The following TBCD variants were observed in gnomAD, a reference collection of about 807,000 sequenced individuals.
TBCD encodes the protein tubulin-specific chaperone D.
In TBCD, 105 loss-of-function variants were observed where a neutral mutation model predicts 169.3. The observed-to-expected ratio is 0.62, with a 90% CI of 0.53 to 0.73. The LOEUF (loss-of-function observed/expected upper bound fraction) is 0.73. Among genes scored for constraint, TBCD ranks in the 30% least tolerant of loss-of-function variants. The pLI, the probability that TBCD is intolerant of heterozygous loss-of-function variation, is 0.00. For missense variants in TBCD, 1,444 were observed against 1,600.1 expected (o/e 0.90, Z 1.66); for synonymous variants, 700 against 643.9 (o/e 1.09, Z -1.32).
At chr17:82,879,286 T>C (rs986029404) in intron 14 of TBCD, among the ~76,000 whole-genome samples, 13 of 152,020 alleles carry the variant, frequency 8.6e-5, no homozygotes, top group African/African-American at 4.8e-5. Context: ...TGTGCCCCTC[T>C]TCACAGTCCA....
Position 82,930,664 on chromosome 17 carries a change from C to A in TBCD, c.3113+21C>A. The A allele has an allele frequency of 6.2e-7, 1 of 1,613,764 alleles. No homozygotes were observed. The highest frequency in any genetic ancestry group is 8.5e-7 in the Non-Finnish European group (1 of 1,179,782). On this transcript the variant is annotated intron_variant, in intron 33 of 38. Transcript: ENST00000355528. This position sits in a 1 kb window ranked among gnomAD's most constrained non-coding sequence, Gnocchi z 5.2. ...GAGAGGTGAGTGGTGTCTCTTGGGG[C>A]CTCAGAGGCGTGAGTGGTGCTGGTG... is the stretch of plus-strand genomic sequence containing the variant.
intron 2 of TBCD, among the ~76,000 whole-genome samples, chr17:82,757,076 C>A (rs1223758441): frequency 3.9e-5 from 6 of 152,152 alleles, no homozygotes; most frequent in African/African-American, 1.4e-4. Context: ...ATGCTTCTGG[C>A]AGTTCACCTG....
intron 6 of TBCD, among the ~76,000 whole-genome samples, chr17:82,779,662 C>T (rs561338682): frequency 6.6e-6 from 1 of 152,266 alleles, no homozygotes; most frequent in Admixed American, 6.5e-5. Flanking sequence ...GAGGGCTTGT[C>T]CCCACGGAAG....
intron 20 of TBCD, 151 bp from the exon 21 acceptor site, chr17:82,907,610 C>T: frequency 1.3e-6 from 1 of 769,498 alleles, no homozygotes. Flanking sequence ...CCCACTGGGA[C>T]CTGAACAAGA....
chr17:82,878,575 ATATAG>A (rs2058129817), intron 14 of TBCD, among the ~76,000 whole-genome samples: 1 of 145,028 alleles, frequency 6.9e-6, no homozygotes, highest in African/African-American at 2.9e-5. Flanking sequence ...TGTTGGGCCC[ATATAG>A]TGCCCCACAA....
chr17:82,939,057 G>A (rs796430246), intron 36 of TBCD: 4 of 429,994 alleles, frequency 9.3e-6, no homozygotes, highest in Middle Eastern at 6.5e-4. Context: ...TTAGTTAATA[G>A]AGAGCAGGCG....
In TBCD at chr17:82,814,387, G is replaced by A. The variant is rs143777725; in HGVS notation, c.1224-453G>A. On this transcript the variant is annotated intron_variant, in intron 12 of 38. Transcript: ENST00000355528. Reference sequence around the variant, plus strand: ...ACCCCACCTGGGACGGCACAGACGGGACGGTCTCTTTGTTTGGGGACTGAC... The same window carrying A: ...ACCCCACCTGGGACGGCACAGACGGAACGGTCTCTTTGTTTGGGGACTGAC... Among the ~76,000 whole-genome samples the A allele has an allele frequency of 1.4e-3, 220 of 152,360 alleles. 1 individual carries two copies. Among genetic ancestry groups the A allele is most frequent in the African/African-American group, 5.0e-3 (208 of 41,586 alleles).
At chr17:82,898,474 A>G (rs942909611) in intron 17 of TBCD, among the ~76,000 whole-genome samples, 9 of 151,816 alleles carry the variant, frequency 5.9e-5, no homozygotes, top group African/African-American at 2.2e-4. Flanking sequence ...TTCTTTTCCT[A>G]TGTGCAGGAG....
chr17:82,917,741 T>C (rs2061151604), intron 23 of TBCD, among the ~76,000 whole-genome samples: 1 of 152,226 alleles, frequency 6.6e-6, no homozygotes, highest in South Asian at 2.1e-4. Context: ...TCAGAGCCTG[T>C]GGTGAGGGCT....
chr17:82,855,287 G>A (rs1011906826), intron 13 of TBCD, among the ~76,000 whole-genome samples: 1 of 121,456 alleles, frequency 8.2e-6, no homozygotes, highest in Admixed American at 1.1e-4. Flanking sequence ...TTTAGAGCCA[G>A]GGTCACTCTG....
rs2057007106 is a variant in TBCD at position 82,864,402 on chromosome 17, C to T, written c.1319-5822C>T. 1.3e-5 allele frequency: 2 copies of T among 152,366 alleles called. No homozygotes were observed. The highest frequency in any genetic ancestry group is 2.1e-4 in the South Asian group (1 of 4,824). 9.4% of individuals were successfully genotyped at this position (152,366 alleles called of 1,614,324 possible). On this transcript the variant is annotated intron_variant, in intron 13 of 38. Coordinates refer to ENST00000355528, the MANE Select transcript of TBCD (RefSeq NM_005993.5). The surrounding 1 kb of genome is among the most constrained non-coding windows in gnomAD (Gnocchi z 6.3). ...AGGAGGTGGCCTTTCACAGCAGGGA[C>T]GTTCTGTGCTCTTATTTTAACAACT... is the stretch of plus-strand genomic sequence containing the variant.
intron 13 of TBCD, among the ~76,000 whole-genome samples, chr17:82,854,214 T>C (rs1440575118): frequency 6.6e-6 from 1 of 152,214 alleles, no homozygotes; most frequent in African/African-American, 2.4e-5. Flanking sequence ...CCGAAAACTT[T>C]TTGAATGCTG....
chr17:82,814,661 G>T (rs796884063), intron 12 of TBCD, among the ~76,000 whole-genome samples, 179 bp from the exon 13 acceptor site: 2 of 152,244 alleles, frequency 1.3e-5, no homozygotes, highest in East Asian at 3.8e-4. Flanking sequence ...GATTATAGGC[G>T]TGAGCCGCTG....
At chr17:82,768,921 A>C (rs2048163099) in intron 5 of TBCD, among the ~76,000 whole-genome samples, 1 of 152,248 alleles carries the variant, frequency 6.6e-6, no homozygotes, top group Non-Finnish European at 1.5e-5. Flanking sequence ...CTAGAAAATA[A>C]AGATAAGCAA....
At chr17:82,760,997 T>C (rs1032551719) in intron 2 of TBCD, among the ~76,000 whole-genome samples, 1 of 152,086 alleles carries the variant, frequency 6.6e-6, no homozygotes, top group African/African-American at 2.4e-5. Flanking sequence ...TCTTGCTCTG[T>C]CACCCAGGCT....
rs1328393028 is a variant in TBCD at position 82,814,867 on chromosome 17, T to C, written c.1251T>C (p.His417=). Residue 417 remains histidine, a synonymous_variant, in exon 13 of 39, where the codon CAT becomes CAC. Coordinates refer to ENST00000355528, the MANE Select transcript of TBCD (RefSeq NM_005993.5). ...TCCAGGAGACTGACAAGGCGTGGCA[T>C]GGGGGATGTCTGGCGCTGGCAGAGC... ...FSFQETDKAW[H]GGCLALAELG... is the part of the protein sequence containing the mutation. 1.2e-6 allele frequency: 2 copies of C among 1,613,512 alleles called. No individual in the cohort carries two copies. Among genetic ancestry groups the C allele is most frequent in the African/African-American group, 2.7e-5 (2 of 74,984 alleles).
Position 82,800,901 on chromosome 17 carries a change from C to G in TBCD, c.855C>G (p.Leu285=). The part of the protein sequence containing the change: ...TVLRCLDGCR[L]PESNQTLLRK... ...TCAGGTGCCTCGATGGCTGCAGACT[C>G]CCTGAGAGCAACCAGACCCTGCTGC... Residue 285 remains leucine (L), a synonymous_variant, in exon 9 of 39, where the codon CTC becomes CTG. Coordinates refer to ENST00000355528, the MANE Select transcript of TBCD (RefSeq NM_005993.5). 6.2e-7 allele frequency: 1 copy of G among 1,612,832 alleles called. No individual in the cohort carries two copies. Among genetic ancestry groups the G allele is most frequent in the Non-Finnish European group, 8.5e-7 (1 of 1,179,610 alleles).
At chr17:82,754,545 TCTC>T (rs2047302267) in intron 1 of TBCD, among the ~76,000 whole-genome samples, 1 of 152,246 alleles carries the variant, frequency 6.6e-6, no homozygotes, top group Non-Finnish European at 1.5e-5. Flanking sequence ...TTCAGGCTCC[TCTC>T]CTCCTCCTAG....
intron 13 of TBCD, among the ~76,000 whole-genome samples, chr17:82,867,788 A>C (rs536004164): frequency 6.6e-6 from 1 of 152,236 alleles, no homozygotes. Context: ...GACATTTACA[A>C]GAAGTGAGAG....
Sources: allele counts gnomAD v4.1 joint callset (sites outside exome capture counted in the v4.1 genomes callset), GRCh38; gene constraint gnomAD v4.1.1; non-coding constraint Gnocchi (gnomAD v3.1); transcripts MANE v1.5; gene names NCBI Gene and HGNC (gene_info 2026-07-23, HGNC 2026-07-21).